The following PTPN9 variants were observed in gnomAD, a reference collection of about 807,000 sequenced individuals.
PTPN9 encodes the protein tyrosine-protein phosphatase non-receptor type 9.
Under a neutral mutation model 69.8 loss-of-function variants are expected in PTPN9, and 26 were observed. That is an observed-to-expected ratio of 0.37 (90% CI 0.27 to 0.52). The LOEUF (loss-of-function observed/expected upper bound fraction) is 0.52, where lower values mean the gene tolerates loss of function less well. PTPN9 is among the 20% of genes least tolerant of loss of function. The pLI is 0.91. For missense variants in PTPN9, 549 were observed against 740.3 expected (o/e 0.74, Z 3.00); for synonymous variants, 274 against 272.5 (o/e 1.01, Z -0.05).
intron 1 of PTPN9, among the ~76,000 whole-genome samples, chr15:75,553,711 G>A (rs1441783694): frequency 1.3e-5 from 2 of 152,094 alleles, no homozygotes; most frequent in African/African-American, 2.4e-5. Flanking sequence ...GATGAGGCAT[G>A]TGAGACTTGC....
chr15:75,549,867 G>A (rs965976468), intron 1 of PTPN9, among the ~76,000 whole-genome samples: 5 of 152,084 alleles, frequency 3.3e-5, no homozygotes, highest in East Asian at 1.9e-4. Context: ...CCAGCTACTC[G>A]GGAGGCTGAG....
At chr15:75,496,969 A>G (rs1182751918) in intron 7 of PTPN9, among the ~76,000 whole-genome samples, 2 of 152,190 alleles carry the variant, frequency 1.3e-5, no homozygotes, top group Non-Finnish European at 2.9e-5. Flanking sequence ...TTTGAAAAAA[A>G]TTATTTGCAT....
chr15:75,513,732 G>A (rs1326036810), intron 5 of PTPN9, among the ~76,000 whole-genome samples: 1 of 147,408 alleles, frequency 6.8e-6, no homozygotes, highest in African/African-American at 2.5e-5. Context: ...AGGCCATTGC[G>A]CTTCAGCCTG....
intron 1 of PTPN9, among the ~76,000 whole-genome samples, chr15:75,531,585 T>C (rs1165310374): frequency 6.9e-6 from 1 of 145,328 alleles, no homozygotes; most frequent in Non-Finnish European, 1.5e-5. Flanking sequence ...TTTTTTCTGC[T>C]TTTTTTTTTT....
intron 1 of PTPN9, among the ~76,000 whole-genome samples, chr15:75,571,228 C>G (rs574350071): frequency 6.0e-5 from 9 of 150,850 alleles, no homozygotes; most frequent in African/African-American, 2.0e-4. Context: ...CCACTGCACT[C>G]TAGTCTAGGT....
At chr15:75,550,499 A>G (rs546462456) in intron 1 of PTPN9, among the ~76,000 whole-genome samples, 1 of 150,926 alleles carries the variant, frequency 6.6e-6, no homozygotes, top group South Asian at 2.1e-4. Flanking sequence ...TAAAAAATAA[A>G]AAGATTGGCT....
rs374673505 is a variant in PTPN9, at chr15:75,530,545, T to A, written c.64-3284A>T. Reference sequence around the variant, plus strand: ...TAATTTATTATATAATATTATTATATTATAATATATTATATATTATTATAT... The same window carrying A: ...TAATTTATTATATAATATTATTATAATATAATATATTATATATTATTATAT... On this transcript the variant is annotated intron_variant, in intron 1 of 12. Transcript: ENST00000618819. Among the ~76,000 whole-genome samples the A allele has an allele frequency of 2.4e-3, 84 of 34,556 alleles. 2 individuals carry two copies. The highest frequency in any genetic ancestry group is 0.012 in the African/African-American group (64 of 5,300). 22.7% of individuals were successfully genotyped at this position (34,556 alleles called of 152,430 possible). A position where few individuals can be genotyped will look rare whatever the true frequency, so the allele number is the denominator to read the frequency against.
At chr15:75,504,388 C>A (rs541375505) in intron 7 of PTPN9, among the ~76,000 whole-genome samples, 1 of 79,074 alleles carries the variant, frequency 1.3e-5, no homozygotes, top group African/African-American at 5.1e-5. Flanking sequence ...AGGTGGGGGG[C>A]TCAGCCCCCC....
In PTPN9 at chr15:75,509,000, C is replaced by A; in HGVS notation, c.556G>T (p.Val186Leu). 1.2e-6 allele frequency: 2 copies of A among 1,614,090 alleles called. No homozygotes were observed. The highest frequency in any genetic ancestry group is 1.7e-6 in the Non-Finnish European group (2 of 1,179,974). ...KGAFPARLKKVLIVGAPIWFR... is the reference protein window; with the variant it reads ...KGAFPARLKKLLIVGAPIWFR... ...CATATGGGTGCCCCCACAATCAGCA[C>A]CTTCTTCAAACGAGCTGGAAATGCT... is the stretch of plus-strand genomic sequence containing the variant. Residue 186 changes from valine (V) to leucine (L), a missense_variant, in exon 6 of 13, where the codon GTG becomes TTG. Physicochemically the swap from Val to Leu is conservative, Grantham distance 32. Around this residue, in one of 3 missense-constraint regions of PTPN9, gnomAD observed 457 missense variants for 661.9 expected, o/e 0.69. Transcript: ENST00000618819.
At chr15:75,533,462 T>C (rs2074971416) in intron 1 of PTPN9, among the ~76,000 whole-genome samples, 1 of 152,064 alleles carries the variant, frequency 6.6e-6, no homozygotes, top group Admixed American at 6.6e-5. Context: ...GGTTTCACCA[T>C]GTAGCCCAGG....
intron 1 of PTPN9, among the ~76,000 whole-genome samples, chr15:75,529,756 A>T (rs914306430): frequency 6.6e-6 from 1 of 152,006 alleles, no homozygotes; most frequent in Admixed American, 6.6e-5. Flanking sequence ...TTAAAAATAC[A>T]AAAATCAGCC....
intron 1 of PTPN9, among the ~76,000 whole-genome samples, chr15:75,532,665 T>C (rs905114299): frequency 3.3e-5 from 5 of 152,226 alleles, no homozygotes; most frequent in Non-Finnish European, 5.9e-5. Flanking sequence ...AGGCCTTGCA[T>C]GTAGAGTCCA....
chr15:75,558,789 C>T (rs1385153159), intron 1 of PTPN9, among the ~76,000 whole-genome samples: 10 of 150,612 alleles, frequency 6.6e-5, no homozygotes, highest in South Asian at 2.1e-4. Flanking sequence ...CCTCGGCCTC[C>T]CAAGGTGCCG....
In PTPN9 at chr15:75,527,255, T is replaced by C. The variant is rs1220533901; in HGVS notation, c.70A>G (p.Lys24Glu). 6.2e-7 allele frequency: 1 copy of C among 1,613,990 alleles called. No individual in the cohort carries two copies. The highest frequency in any genetic ancestry group is 2.2e-5 in the East Asian group (1 of 44,884). The change falls in exon 2 of 13, where the codon AAG becomes GAG. Residue 24 changes from lysine (K) to glutamate (E), a missense_variant. Transcript: ENST00000618819. The part of the protein sequence containing the change: ...ELTPEEEQAT[K>E]QFLEEINKWT... ...TTGTTAATCTCTTCGAGAAACTGCT[T>C]GGTAGCCTGTTTGACAAAGAAAGAA...
chr15:75,537,786 T>C (rs1231632789), intron 1 of PTPN9, among the ~76,000 whole-genome samples: 64 of 65,754 alleles, frequency 9.7e-4, no homozygotes, highest in East Asian at 2.7e-3. Flanking sequence ...AGGCCAGGCG[T>C]GGTGGCTCAC....
chr15:75,499,674 G>A (rs534409831), intron 7 of PTPN9, among the ~76,000 whole-genome samples: 8 of 151,758 alleles, frequency 5.3e-5, no homozygotes, highest in East Asian at 2.0e-4. Context: ...AAAGTGCTGC[G>A]ATTACAGGCG....
intron 1 of PTPN9, among the ~76,000 whole-genome samples, chr15:75,558,560 G>A (rs1007574014): frequency 1.3e-5 from 2 of 151,870 alleles, no homozygotes; most frequent in African/African-American, 2.4e-5. Context: ...CTCTTGCCAC[G>A]GTCTCCCTCT....
At chr15:75,472,530 C>T (rs1298548726) in intron 10 of PTPN9, among the ~76,000 whole-genome samples, 4 of 151,830 alleles carry the variant, frequency 2.6e-5, no homozygotes, top group African/African-American at 9.7e-5. Context: ...CGCAGTGGCC[C>T]ACGCTTGTAA....
At chr15:75,544,557 A>AAC (rs754902897) in intron 1 of PTPN9, among the ~76,000 whole-genome samples, 2 of 151,902 alleles carry the variant, frequency 1.3e-5, no homozygotes, top group Non-Finnish European at 2.9e-5. Flanking sequence ...AAACAAACAA[A>AAC]ACACACACAC....
Sources: allele counts gnomAD v4.1 joint callset (sites outside exome capture counted in the v4.1 genomes callset), GRCh38; gene constraint gnomAD v4.1.1; regional missense constraint gnomAD v4.1.1; transcripts MANE v1.5; gene names NCBI Gene and HGNC (gene_info 2026-07-23, HGNC 2026-07-21).